Variants in ELMO1 observed in about 807,000 individuals in gnomAD.
ELMO1 encodes the protein engulfment and cell motility protein 1.
In ELMO1, 26 loss-of-function variants were observed where a neutral mutation model predicts 98.9. The ratio of observed to expected loss-of-function variants is 0.26; its 90% confidence interval spans 0.19 to 0.36. ELMO1 has a LOEUF of 0.36. Ranked by LOEUF, ELMO1 falls within the 10% of genes least tolerant of loss-of-function variation. The pLI, the probability that ELMO1 is intolerant of heterozygous loss-of-function variation, is 1.00. For synonymous variants in ELMO1, 346 were observed against 346.0 expected, an observed-to-expected ratio of 1.00 and a Z score of 0.00; for missense variants, 627 against 935.2, an observed-to-expected ratio of 0.67 and a Z score of 4.30.
At chr7:37,409,664 T>C (rs1803916289) in intron 1 of ELMO1, among the ~76,000 whole-genome samples, 1 of 152,198 alleles carries the variant, frequency 6.6e-6, no homozygotes, top group South Asian at 2.1e-4. Flanking sequence ...TGTTTGGGCT[T>C]CTTCACAGCA....
intron 19 of ELMO1, among the ~76,000 whole-genome samples, chr7:36,872,253 G>A (rs1401583158): frequency 6.6e-6 from 1 of 152,188 alleles, no homozygotes; most frequent in African/African-American, 2.4e-5. Flanking sequence ...ATGGATGGAT[G>A]GGCAGAGGAG....
At chr7:36,972,859 C>T (rs187620383) in intron 16 of ELMO1, among the ~76,000 whole-genome samples, 1 of 152,278 alleles carries the variant, frequency 6.6e-6, no homozygotes, top group East Asian at 1.9e-4. Flanking sequence ...CGGCTCACTG[C>T]AACTTCTACC....
chr7:37,053,344 C>A (rs1213084114), intron 15 of ELMO1, among the ~76,000 whole-genome samples: 1 of 145,086 alleles, frequency 6.9e-6, no homozygotes, highest in Non-Finnish European at 1.5e-5. Flanking sequence ...AAAACAACAA[C>A]AACAAAAGAC....
At chr7:37,413,348 C>G (rs891015171) in intron 1 of ELMO1, among the ~76,000 whole-genome samples, 3 of 152,114 alleles carry the variant, frequency 2.0e-5, no homozygotes, top group Non-Finnish European at 4.4e-5. Context: ...ATTTGTGTGT[C>G]TGTCTCATCT....
chr7:37,011,643 C>T (rs1793567824), intron 16 of ELMO1, among the ~76,000 whole-genome samples: 1 of 152,098 alleles, frequency 6.6e-6, no homozygotes, highest in East Asian at 1.9e-4. Context: ...TGCCCAAATC[C>T]GTAACAACTG....
chr7:37,445,192 TAA>T (rs35984930), intron 1 of ELMO1, among the ~76,000 whole-genome samples: 1 of 152,220 alleles, frequency 6.6e-6, no homozygotes, highest in African/African-American at 2.4e-5. Context: ...GCCGTAAGCT[TAA>T]AAAGCACTTC....
intron 19 of ELMO1, among the ~76,000 whole-genome samples, chr7:36,872,309 G>A (rs1326986855): frequency 6.6e-6 from 1 of 152,156 alleles, no homozygotes; most frequent in South Asian, 2.1e-4. Context: ...AATTCCTAGG[G>A]TTGGAAATAA....
At chr7:37,145,391 T>C (rs1032709021) in intron 13 of ELMO1, among the ~76,000 whole-genome samples, 1 of 152,252 alleles carries the variant, frequency 6.6e-6, no homozygotes, top group Non-Finnish European at 1.5e-5. Flanking sequence ...GTTCCTTGTC[T>C]CTGTGCTCAG....
Position 37,278,681 on chromosome 7 carries a change from T to C in ELMO1, c.193-6799A>G, listed in dbSNP as rs149558153. Among the ~76,000 whole-genome samples, 13 of 152,322 alleles carry C rather than the reference T, an allele frequency of 8.5e-5. No homozygotes were observed. The East Asian group carries it at 2.5e-3, about 29-fold the overall frequency. On this transcript the variant is annotated intron_variant, in intron 4 of 21. Coordinates refer to ENST00000310758, the MANE Select transcript of ELMO1 (RefSeq NM_014800.11). ...CCCATAATCCCATGAGGTAATTCCT[T>C]GCAGTCAGTTCCTATACATCTCCTA...
At chr7:37,203,164 G>A (rs1474440356) in intron 13 of ELMO1, among the ~76,000 whole-genome samples, 14 of 152,142 alleles carry the variant, frequency 9.2e-5, no homozygotes, top group South Asian at 4.1e-4. Context: ...ACACATTCTC[G>A]AAAACCTGGA....
intron 1 of ELMO1, among the ~76,000 whole-genome samples, chr7:37,408,079 C>CAT (rs1225325219): frequency 6.6e-6 from 1 of 152,138 alleles, no homozygotes; most frequent in Non-Finnish European, 1.5e-5. Flanking sequence ...CCACAATAAA[C>CAT]ATATACAGTA....
intron 15 of ELMO1, among the ~76,000 whole-genome samples, chr7:37,045,984 C>T (rs957761477): frequency 6.6e-6 from 1 of 152,212 alleles, no homozygotes; most frequent in Non-Finnish European, 1.5e-5. Context: ...CCAGCTGGCC[C>T]TTGAGCCCAG....
chr7:37,348,376 A>G (rs546639642), intron 1 of ELMO1, among the ~76,000 whole-genome samples: 1 of 152,266 alleles, frequency 6.6e-6, no homozygotes, highest in African/African-American at 2.4e-5. Flanking sequence ...CAAAGTCACT[A>G]TCAAATCCCA....
intron 13 of ELMO1, 199 bp downstream of exon 13, chr7:37,211,187 T>C: frequency 1.5e-6 from 1 of 675,874 alleles, no homozygotes; most frequent in Non-Finnish European, 2.4e-6. Flanking sequence ...TAGTCACACT[T>C]GTGCAAGTTA....
intron 1 of ELMO1, among the ~76,000 whole-genome samples, chr7:37,360,741 G>C (rs955081144): frequency 6.6e-6 from 1 of 152,170 alleles, no homozygotes; most frequent in African/African-American, 2.4e-5. Flanking sequence ...GAGAAATTGC[G>C]CTCTGCCCCC....
At chr7:37,181,797 C>T (rs1221260220) in intron 13 of ELMO1, among the ~76,000 whole-genome samples, 1 of 152,062 alleles carries the variant, frequency 6.6e-6, no homozygotes, top group Non-Finnish European at 1.5e-5. Flanking sequence ...TGAACAATGG[C>T]CTCTGATTAC....
intron 4 of ELMO1, among the ~76,000 whole-genome samples, chr7:37,312,908 T>C (rs1798960632): frequency 6.6e-6 from 1 of 152,222 alleles, no homozygotes. Context: ...CCTAATCTAC[T>C]CTACTATGTT....
intron 16 of ELMO1, among the ~76,000 whole-genome samples, chr7:36,996,550 G>A (rs1792226824): frequency 6.6e-6 from 1 of 152,172 alleles, no homozygotes; most frequent in South Asian, 2.1e-4. Context: ...CTGCAGCATT[G>A]CCTCAAGGTA....
At chr7:37,065,136 C>A (rs1796886552) in intron 15 of ELMO1, among the ~76,000 whole-genome samples, 1 of 152,078 alleles carries the variant, frequency 6.6e-6, no homozygotes, top group South Asian at 2.1e-4. Context: ...CCTCCCACCC[C>A]AAACAGCTAT....
Sources: allele counts gnomAD v4.1 joint callset (sites outside exome capture counted in the v4.1 genomes callset), GRCh38; gene constraint gnomAD v4.1.1; transcripts MANE v1.5; gene names NCBI Gene and HGNC (gene_info 2026-07-23, HGNC 2026-07-21).